Variants in CEP95 observed in about 807,000 individuals in gnomAD.
The protein encoded by CEP95 is centrosomal protein 95, also known as centrosomal protein of 95 kDa.
Under a neutral mutation model 111.2 loss-of-function variants are expected in CEP95, and 98 were observed. The ratio of observed to expected loss-of-function variants is 0.88; its 90% CI spans 0.75 to 1.04. The LOEUF (loss-of-function observed/expected upper bound fraction) is 1.04. CEP95 is among the 50% of genes least tolerant of loss of function. The pLI is 0.00. For missense variants in CEP95, 1,027 were observed against 977.2 expected (o/e 1.05, Z -0.68); for synonymous variants, 323 against 327.1 (o/e 0.99, Z 0.14).
intron 1 of CEP95, chr17:64,508,244 A>G: frequency 1.0e-6 from 1 of 985,494 alleles, no homozygotes; most frequent in Non-Finnish European, 1.2e-6. Context: ...GTTGTTTATG[A>G]CATAATATTC....
chr17:64,506,911 A>G (rs2038561635), upstream of CEP95: 4 of 695,608 alleles, frequency 5.8e-6, no homozygotes, highest in Admixed American at 8.7e-5. Flanking sequence ...TGTGAAAGGA[A>G]GTGCTCCTCT....
Position 64,514,290 on chromosome 17 carries a change from T to G in CEP95, c.299T>G (p.Leu100Arg). The G allele has an allele frequency of 2.7e-6, 4 of 1,500,666 alleles. No individual in the cohort carries two copies. The highest frequency in any genetic ancestry group is 3.6e-6 in the Non-Finnish European group (4 of 1,101,354). The allele number at this position is 1,500,666 out of a possible 1,614,324, so 93.0% of individuals were successfully genotyped here. ...VKGDKESIKN[L>R]LEIFDGLLEY... The stretch of plus-strand genomic sequence containing the variant: ...GGAGATAAAGAATCTATTAAGAATC[T>G]CCTGGAAATATTTGATGGTTTGTTG... The change falls in exon 4 of 20, where the codon CTC becomes CGC. Residue 100 changes from leucine (L) to arginine (R), a missense_variant. Leu to Arg is a moderately radical substitution (Grantham distance 102, BLOSUM62 -2). Transcript: ENST00000556440.
chr17:64,515,847 A>C (rs1475727825), intron 4 of CEP95: 1 of 152,210 alleles, frequency 6.6e-6, no homozygotes, highest in Non-Finnish European at 1.5e-5. Flanking sequence ...GGGCAGCTTC[A>C]ACCTGGGACC....
rs1369597060 is a variant in CEP95, at chr17:64,529,294, C to G, written c.1313C>G (p.Ser438Cys). ...TGTCTTTTCTCTGTTGCAGGACTTT[C>G]CATGCGTAGAAAGCCACCCTACAGA... Reference protein sequence around the residue: ...YGPKKSRPGLSMRRKPPYRSH... With the variant: ...YGPKKSRPGLCMRRKPPYRSH... Residue 438 changes from serine (S) to cysteine (C), a missense_variant, in exon 12 of 20, where the codon TCC becomes TGC. Coordinates refer to ENST00000556440, the MANE Select transcript of CEP95 (RefSeq NM_138363.3). The G allele has an allele frequency of 6.2e-7, 1 of 1,612,048 alleles. No individual in the cohort carries two copies. Among genetic ancestry groups the G allele is most frequent in the East Asian group, 2.2e-5 (1 of 44,822 alleles).
chr17:64,512,690 CA>C (rs2038957936), intron 3 of CEP95, among the ~76,000 whole-genome samples: 1 of 152,032 alleles, frequency 6.6e-6, no homozygotes, highest in Non-Finnish European at 1.5e-5. Context: ...CTGACAAGAA[CA>C]AATTTTTGCG....
At chr17:64,520,846 TC>T (rs1379416258) in intron 6 of CEP95, among the ~76,000 whole-genome samples, 3 of 152,236 alleles carry the variant, frequency 2.0e-5, no homozygotes, top group Non-Finnish European at 4.4e-5. Flanking sequence ...CATCTATTTT[TC>T]TAAAGCTAAA....
chr17:64,518,920 A>G (rs527767483), intron 5 of CEP95, among the ~76,000 whole-genome samples: 6 of 152,264 alleles, frequency 3.9e-5, no homozygotes, highest in African/African-American at 7.2e-5. Context: ...ACCTCAGGCA[A>G]TCCACCTATG....
At chr17:64,507,265 T>C in intron 1 of CEP95, 149 bp downstream of exon 1, 1 of 1,491,540 alleles carries the variant, frequency 6.7e-7, no homozygotes, top group East Asian at 2.5e-5. Context: ...CTGGATAGGG[T>C]CTCTCAGCTT....
chr17:64,525,873 A>G lies in CEP95; in HGVS notation c.1013A>G (p.Lys338Arg), dbSNP rs1305217445. ...VQGPRTRKPP[K>R]GKRNENRATA... is the part of the protein sequence containing the mutation. ...GGGCCTAGGACAAGGAAGCCTCCCA[A>G]AGGAAAAAGGTAACATTACTGCAGA... Residue 338 changes from lysine (K) to arginine (R), a missense_variant, in exon 9 of 20, where the codon AAA becomes AGA. By Grantham distance (26) the Lys-to-Arg change is conservative (BLOSUM62 2). Coordinates refer to ENST00000556440, the MANE Select transcript of CEP95 (RefSeq NM_138363.3). 5.7e-6 allele frequency: 9 copies of G among 1,568,602 alleles called. No individual in the cohort carries two copies. The highest frequency in any genetic ancestry group is 1.4e-5 in the African/African-American group (1 of 72,312).
intron 19 of CEP95, 158 bp from the exon 20 acceptor site, chr17:64,537,445 T>G (rs1347608422): frequency 6.5e-6 from 9 of 1,381,646 alleles, no homozygotes; most frequent in Non-Finnish European, 8.4e-6. Flanking sequence ...ATTTTTATCC[T>G]ATGATTTTAA....
chr17:64,522,580 C>T, intron 7 of CEP95, 122 bp from the exon 8 acceptor site: 2 of 611,874 alleles, frequency 3.3e-6, no homozygotes, highest in Non-Finnish European at 5.5e-6. Context: ...TGTGCTTTGT[C>T]TTAAGTTTAA....
intron 8 of CEP95, among the ~76,000 whole-genome samples, chr17:64,524,856 A>G (rs1269362927): frequency 6.6e-6 from 1 of 151,810 alleles, no homozygotes; most frequent in Non-Finnish European, 1.5e-5. Context: ...CTGTAATCCC[A>G]GCTACTCTGG....
At chr17:64,508,106 A>T in intron 1 of CEP95, 2 of 985,450 alleles carry the variant, frequency 2.0e-6, no homozygotes, top group Non-Finnish European at 2.4e-6. Context: ...TTTAATCACC[A>T]CTTTTTCCGG....
Position 64,536,515 on chromosome 17 carries a change from A to C in CEP95, c.2071-87A>C, listed in dbSNP as rs553040328. On this transcript the variant is annotated intron_variant, in intron 17 of 19. Coordinates refer to ENST00000556440, the MANE Select transcript of CEP95 (RefSeq NM_138363.3). ...ATAAAACTAGTATTTAAAAAAAAAAAACCTTGGGAAATACAATCAGTATAT... is the reference window on the plus strand; with the variant it reads ...ATAAAACTAGTATTTAAAAAAAAAACACCTTGGGAAATACAATCAGTATAT... 246 of 956,960 alleles carry C rather than the reference A, an allele frequency of 2.6e-4. 2 individuals carry two copies. In the South Asian group the frequency reaches 3.6e-3, roughly 14 times the overall value. The allele number at this position is 956,960 out of a possible 1,614,324, so 59.3% of individuals were successfully genotyped here. A position where few individuals can be genotyped will look rare whatever the true frequency, so the allele number is the denominator to read the frequency against.
At chr17:64,536,551 G>T in intron 17 of CEP95, 51 bp from the exon 18 acceptor site, 2 of 1,451,108 alleles carry the variant, frequency 1.4e-6, no homozygotes, top group South Asian at 1.3e-5. Context: ...ACCTCTAGTT[G>T]GCCAAAATGA....
intron 17 of CEP95, chr17:64,536,372 C>G (rs1555681534): frequency 3.5e-6 from 1 of 283,312 alleles, no homozygotes; most frequent in Admixed American, 5.2e-5. Flanking sequence ...TTGCTTGAGC[C>G]TGGGAGGTCA....
chr17:64,529,138 T>C, intron 11 of CEP95, 150 bp from the exon 12 acceptor site: 1 of 639,884 alleles, frequency 1.6e-6, no homozygotes, highest in East Asian at 2.8e-5. Flanking sequence ...TACTTGGTGT[T>C]ACCATACCAA....
chr17:64,515,000 T>G (rs2039066669), intron 4 of CEP95, among the ~76,000 whole-genome samples: 1 of 152,192 alleles, frequency 6.6e-6, no homozygotes, highest in Non-Finnish European at 1.5e-5. Context: ...CCATTCTCAC[T>G]TTGTTTATAG....
chr17:64,509,405 G>A lies in CEP95; in HGVS notation c.148+685G>A, dbSNP rs117387195. Among the ~76,000 whole-genome samples the A allele has an allele frequency of 4.8e-3, 724 of 152,290 alleles. 41 individuals are homozygous for A. The East Asian group carries it at 0.12, about 24-fold the overall frequency. On this transcript the variant is annotated intron_variant, in intron 2 of 19. Coordinates refer to ENST00000556440, the MANE Select transcript of CEP95 (RefSeq NM_138363.3). ...AAAAGGACATATAAGGGCCAGGCGC[G>A]GTGGCTCACACCTCTAATCCCATTA...
Sources: gnomAD v4.1 joint callset for allele counts (sites outside exome capture counted in the v4.1 genomes callset) on GRCh38, gnomAD v4.1.1 for gene constraint, MANE v1.5 for transcripts, NCBI Gene and HGNC (gene_info 2026-07-23, HGNC 2026-07-21) for gene names.